FBN1: variants seen among roughly 807,000 people sequenced by gnomAD.
The protein encoded by FBN1 is fibrillin-1.
In FBN1, 29 loss-of-function variants were observed where a neutral mutation model predicts 365.1. The ratio of observed to expected loss-of-function variants is 0.08; its 90% CI spans 0.06 to 0.11. FBN1 has a LOEUF of 0.11. Among genes scored for constraint, FBN1 ranks in the 10% least tolerant of loss-of-function variants. The pLI is 1.00. For missense variants in FBN1, 2,476 were observed against 3,703.2 expected, an observed-to-expected ratio of 0.67 and a Z score of 8.60; for synonymous variants, 1,210 against 1,270.5, an observed-to-expected ratio of 0.95 and a Z score of 1.01.
chr15:48,631,252 T>C (rs1889984152), intron 2 of FBN1, among the ~76,000 whole-genome samples: 1 of 152,148 alleles, frequency 6.6e-6, no homozygotes, highest in Non-Finnish European at 1.5e-5. Flanking sequence ...AAGAATCTCT[T>C]TGTAGTAAAT....
chr15:48,608,669 T>C (rs2044631958), intron 4 of FBN1, among the ~76,000 whole-genome samples: 1 of 152,180 alleles, frequency 6.6e-6, no homozygotes, highest in African/African-American at 2.4e-5. Context: ...CACAAGCTAC[T>C]TGGGGACTTT....
chr15:48,489,039 T>C (rs2043533191), intron 25 of FBN1, among the ~76,000 whole-genome samples: 1 of 151,936 alleles, frequency 6.6e-6, no homozygotes, highest in Non-Finnish European at 1.5e-5. Context: ...CCTTAAGATG[T>C]CTTTCTTTCT....
chr15:48,418,631 G>A (rs1444557587), intron 63 of FBN1, among the ~76,000 whole-genome samples: 1 of 152,098 alleles, frequency 6.6e-6, no homozygotes. Context: ...GACTCCACAA[G>A]GAATTTTTTT....
intron 6 of FBN1, among the ~76,000 whole-genome samples, chr15:48,561,332 A>G (rs891764253): frequency 1.1e-4 from 16 of 152,306 alleles, no homozygotes; most frequent in Non-Finnish European, 2.1e-4. Context: ...ATCACCTACT[A>G]AGGCCCTACA....
intron 5 of FBN1, among the ~76,000 whole-genome samples, chr15:48,598,123 C>T (rs1034376928): frequency 1.9e-4 from 29 of 152,158 alleles, no homozygotes; most frequent in Admixed American, 1.4e-3. Context: ...TGTAAACCTT[C>T]GTAAGTGAAG....
intron 4 of FBN1, among the ~76,000 whole-genome samples, chr15:48,607,505 C>A (rs989947787): frequency 6.9e-6 from 1 of 145,182 alleles, no homozygotes; most frequent in African/African-American, 2.7e-5. Context: ...GCAGAGCCCT[C>A]ATGAAAGGAT....
At chr15:48,561,707 G>A (rs976148406) in intron 6 of FBN1, among the ~76,000 whole-genome samples, 4 of 152,000 alleles carry the variant, frequency 2.6e-5, no homozygotes, top group Non-Finnish European at 4.4e-5. Context: ...TCAGACTATG[G>A]AAAAAGTATC....
At chr15:48,600,957 G>A (rs2044560896) in intron 4 of FBN1, among the ~76,000 whole-genome samples, 1 of 152,152 alleles carries the variant, frequency 6.6e-6, no homozygotes, top group Admixed American at 6.5e-5. Flanking sequence ...AAAGAATTTT[G>A]TTAAAAGAAA....
At chr15:48,597,508 C>T (rs60594234) in intron 5 of FBN1, among the ~76,000 whole-genome samples, 15,709 of 152,218 alleles carry the variant, frequency 0.1, 2,804 homozygotes, top group African/African-American at 0.36. Context: ...TCCTTCCTTC[C>T]CTCCCTCCTT....
intron 2 of FBN1, 37 bp downstream of exon 2, chr15:48,644,569 G>C (rs1174633974): frequency 6.2e-7 from 1 of 1,613,210 alleles, no homozygotes; most frequent in East Asian, 2.2e-5. Flanking sequence ...TTGAAACTTG[G>C]GAGACCCACA....
chr15:48,510,174 A>G lies in FBN1; in HGVS notation c.1589-5T>C, dbSNP rs1371798538. 4 of 1,612,904 alleles carry G rather than the reference A, an allele frequency of 2.5e-6. No individual in the cohort carries two copies. Among genetic ancestry groups the G allele is most frequent in the Non-Finnish European group, 3.4e-6 (4 of 1,179,146 alleles). ...TCTGTAAACACTCATCAATGTCTAA[A>G]ATCAAAGTTTAAAAAGAAGAAATAG... On this transcript the variant is annotated splice_region_variant and splice_polypyrimidine_tract_variant and intron_variant, in intron 13 of 65. Coordinates refer to ENST00000316623, the MANE Select transcript of FBN1 (RefSeq NM_000138.5).
chr15:48,423,942 T>C (rs1413341364), intron 60 of FBN1, among the ~76,000 whole-genome samples: 2 of 152,224 alleles, frequency 1.3e-5, no homozygotes, highest in Non-Finnish European at 2.9e-5. Flanking sequence ...TTTTCATCTT[T>C]TAATTGCTGG....
rs1183919688 is a variant in FBN1, at chr15:48,537,601, C to A, written c.736+10G>T. On this transcript the variant is annotated intron_variant, in intron 7 of 65. Transcript: ENST00000316623. ...TTAATCCATTAATAATTCCATCAGC[C>A]CGGGTTTACCTTGACAAGCTCCCGT... 3 of 1,613,978 alleles carry A rather than the reference C, an allele frequency of 1.9e-6. No homozygotes were observed. Among genetic ancestry groups the A allele is most frequent in the Non-Finnish European group, 2.5e-6 (3 of 1,180,024 alleles).
At chr15:48,557,049 A>T (rs1429660246) in intron 6 of FBN1, among the ~76,000 whole-genome samples, 1 of 152,150 alleles carries the variant, frequency 6.6e-6, no homozygotes, top group African/African-American at 2.4e-5. Context: ...ACCTGAACCC[A>T]AGATTGAGAG....
At chr15:48,513,288 C>T (rs756071894) in intron 13 of FBN1, among the ~76,000 whole-genome samples, 1 of 152,150 alleles carries the variant, frequency 6.6e-6, no homozygotes, top group Non-Finnish European at 1.5e-5. Context: ...ACTTAAGAGG[C>T]AATAATAGTG....
chr15:48,584,249 G>A (rs1167987888), intron 6 of FBN1, among the ~76,000 whole-genome samples: 1 of 152,024 alleles, frequency 6.6e-6, no homozygotes, highest in Non-Finnish European at 1.5e-5. Context: ...GTATAGATTA[G>A]GAAACTGTGC....
intron 49 of FBN1, 42 bp from the exon 50 acceptor site, chr15:48,441,888 G>A (rs1258566640): frequency 6.2e-7 from 1 of 1,608,630 alleles, no homozygotes; most frequent in South Asian, 1.1e-5. Context: ...AAACACGATG[G>A]AGACATCATC....
At chr15:48,453,402 G>A (rs2043217299) in intron 44 of FBN1, among the ~76,000 whole-genome samples, 2 of 151,588 alleles carry the variant, frequency 1.3e-5, no homozygotes, top group South Asian at 4.2e-4. Context: ...AATCTGGAAA[G>A]GCGACATAAT....
At chr15:48,438,121 C>G (rs964472971) in intron 50 of FBN1, among the ~76,000 whole-genome samples, 3 of 152,156 alleles carry the variant, frequency 2.0e-5, no homozygotes, top group Admixed American at 6.5e-5. Context: ...ATGAACAACT[C>G]TATGAACTTA....
Sources: allele counts gnomAD v4.1 joint callset (sites outside exome capture counted in the v4.1 genomes callset), GRCh38; gene constraint gnomAD v4.1.1; transcripts MANE v1.5; gene names NCBI Gene and HGNC (gene_info 2026-07-23, HGNC 2026-07-21).